Variants in INVS observed in about 807,000 individuals in gnomAD.
INVS encodes inversion of embryo turning homolog.
INVS carries 86 observed loss-of-function variants against 108.8 expected under a neutral mutation model. The ratio of observed to expected loss-of-function variants is 0.79; its 90% CI spans 0.66 to 0.95. The LOEUF is 0.95. Ranked by LOEUF, INVS falls within the 40% of genes least tolerant of loss-of-function variation. The probability of loss-of-function intolerance (pLI) is 0.00; values close to 1 mark genes in which losing one functional copy is unlikely to be tolerated. For missense variants in INVS, 1,169 were observed against 1,297.4 expected (o/e 0.90, Z 1.52); for synonymous variants, 455 against 473.5 (o/e 0.96, Z 0.51).
At chr9:100,152,006 G>A (rs529897699) in intron 3 of INVS, among the ~76,000 whole-genome samples, 19 of 152,214 alleles carry the variant, frequency 1.2e-4, no homozygotes, top group South Asian at 8.3e-4. Context: ...TAATATGGCC[G>A]TGGTTGTTGG....
chr9:100,117,467 T>G, intron 2 of INVS: 1 of 784,458 alleles, frequency 1.3e-6, no homozygotes. Context: ...CTCCTTATCC[T>G]CGGCCTTGCC....
At position 100,223,548 on chromosome 9, in the gene INVS, C is replaced by A. The variant is rs533188834; in HGVS notation, c.274-2514C>A. Among the ~76,000 whole-genome samples the A allele has an allele frequency of 7.2e-5, 11 of 152,308 alleles. No individual in the cohort carries two copies. The South Asian group carries it at 2.3e-3, about 32-fold the overall frequency. ...AGGGATCAATAAAACATGGTCTCTG[C>A]TTTCATGGAGCTTACAGTTTGTGAG... On this transcript the variant is annotated intron_variant, in intron 3 of 16. Transcript: ENST00000262457.
At chr9:100,200,545 A>C (rs182683624) in intron 3 of INVS, among the ~76,000 whole-genome samples, 22 of 152,334 alleles carry the variant, frequency 1.4e-4, no homozygotes, top group Admixed American at 7.2e-4. Context: ...GTCCTGGTAC[A>C]TAGTCTATAC....
chr9:100,159,895 G>A (rs1270719193), intron 3 of INVS, among the ~76,000 whole-genome samples: 1 of 152,110 alleles, frequency 6.6e-6, no homozygotes, highest in Non-Finnish European at 1.5e-5. Context: ...CTAGGAAGTT[G>A]TCATCACACT....
chr9:100,109,959 G>A (rs4743386), intron 2 of INVS, among the ~76,000 whole-genome samples: 70,750 of 152,084 alleles, frequency 0.47, 17,765 homozygotes, highest in East Asian at 0.9. Flanking sequence ...GAGCCACTGC[G>A]CCCGGCCTCT....
chr9:100,203,501 C>CTT (rs34618293), intron 3 of INVS, among the ~76,000 whole-genome samples: 2,225 of 123,060 alleles, frequency 0.018, 112 homozygotes, highest in African/African-American at 0.055. Flanking sequence ...CCAAAGCTTC[C>CTT]TTTTTTTTTT....
At chr9:100,206,390 G>C (rs1242596461) in intron 3 of INVS, among the ~76,000 whole-genome samples, 1 of 150,798 alleles carries the variant, frequency 6.6e-6, no homozygotes, top group Non-Finnish European at 1.5e-5. Context: ...TTTATGTTTT[G>C]ATATAATCTC....
At chr9:100,228,831 T>C (rs1831419624) in intron 4 of INVS, among the ~76,000 whole-genome samples, 1 of 152,186 alleles carries the variant, frequency 6.6e-6, no homozygotes, top group African/African-American at 2.4e-5. Flanking sequence ...CTGCATGCAA[T>C]TAAATAGACA....
intron 3 of INVS, among the ~76,000 whole-genome samples, chr9:100,133,932 C>T (rs1392307154): frequency 6.6e-6 from 1 of 152,054 alleles, no homozygotes; most frequent in Admixed American, 6.6e-5. Context: ...AGCAAACATT[C>T]CTTTTTTTAA....
At chr9:100,178,077 C>T (rs772070959) in intron 3 of INVS, among the ~76,000 whole-genome samples, 1 of 152,170 alleles carries the variant, frequency 6.6e-6, no homozygotes, top group Non-Finnish European at 1.5e-5. Flanking sequence ...AAAAGAATAA[C>T]ATCAACATCA....
At chr9:100,250,092 G>A (rs2118546835) in intron 8 of INVS, among the ~76,000 whole-genome samples, 1 of 152,156 alleles carries the variant, frequency 6.6e-6, no homozygotes, top group Non-Finnish European at 1.5e-5. Context: ...ATGACAGAGT[G>A]AGACTCCATC....
At chr9:100,108,976 A>G (rs1827259513) in intron 2 of INVS, among the ~76,000 whole-genome samples, 1 of 152,236 alleles carries the variant, frequency 6.6e-6, no homozygotes, top group Admixed American at 6.5e-5. Flanking sequence ...ATATAAACAT[A>G]CATAGTAAAA....
intron 10 of INVS, among the ~76,000 whole-genome samples, chr9:100,257,504 G>A (rs1433356726): frequency 2.0e-5 from 3 of 152,148 alleles, no homozygotes; most frequent in South Asian, 2.1e-4. Flanking sequence ...TCTTAGCATC[G>A]ATGGTCTTTA....
intron 3 of INVS, among the ~76,000 whole-genome samples, chr9:100,133,798 C>CACACACACACACACACACACACACAT: frequency 6.7e-6 from 1 of 148,158 alleles, no homozygotes; most frequent in Middle Eastern, 3.4e-3. Flanking sequence ...CACACACACA[C>CACACACACACACACACACACACACAT]ACACACATAC....
intron 12 of INVS, among the ~76,000 whole-genome samples, chr9:100,275,877 T>C (rs1395922198): frequency 1.3e-5 from 2 of 152,228 alleles, no homozygotes; most frequent in Non-Finnish European, 2.9e-5. Flanking sequence ...GCACTGCCTA[T>C]GTTGTTGCCA....
intron 3 of INVS, among the ~76,000 whole-genome samples, chr9:100,133,052 C>A (rs566281640): frequency 2.0e-5 from 3 of 152,072 alleles, no homozygotes; most frequent in Non-Finnish European, 4.4e-5. Flanking sequence ...TTGCAGTGAG[C>A]GGATATTGCA....
intron 3 of INVS, chr9:100,175,133 A>G (rs1829668689): frequency 6.1e-6 from 2 of 330,522 alleles, no homozygotes; most frequent in Admixed American, 4.0e-5. Context: ...AGCCTTTTTT[A>G]CAGTCCAGCT....
intron 2 of INVS, among the ~76,000 whole-genome samples, chr9:100,125,094 CA>C (rs1166660498): frequency 6.6e-6 from 1 of 152,202 alleles, no homozygotes; most frequent in Non-Finnish European, 1.5e-5. Context: ...ATGGGCTGCT[CA>C]AAAGTGTCCT....
At chr9:100,297,282 T>TA (rs1198456247) in intron 15 of INVS, 136 bp downstream of exon 15, 20 of 774,866 alleles carry the variant, frequency 2.6e-5, no homozygotes, top group Non-Finnish European at 3.6e-5. Flanking sequence ...ATTGTATTAT[T>TA]AAAAATGGTC....
Sources: gnomAD v4.1 joint callset for allele counts (sites outside exome capture counted in the v4.1 genomes callset) on GRCh38, gnomAD v4.1.1 for gene constraint, MANE v1.5 for transcripts, NCBI Gene and HGNC (gene_info 2026-07-23, HGNC 2026-07-21) for gene names.